The following MTUS2 variants were observed in gnomAD, a reference collection of about 807,000 sequenced individuals.
MTUS2 encodes microtubule associated scaffold protein 2.
Under a neutral mutation model 114.1 loss-of-function variants are expected in MTUS2, and 40 were observed. That is an observed-to-expected ratio of 0.35 (90% CI 0.27 to 0.46). The LOEUF is 0.46. MTUS2 is among the 20% of genes least tolerant of loss of function. The pLI, the probability that MTUS2 is intolerant of heterozygous loss-of-function variation, is 1.00. For missense variants in MTUS2, 1,679 were observed against 1,705.4 expected (o/e 0.98, Z 0.27); for synonymous variants, 688 against 672.0 (o/e 1.02, Z -0.37).
intron 5 of MTUS2, among the ~76,000 whole-genome samples, chr13:29,208,736 G>T (rs1307925689): frequency 6.6e-6 from 1 of 152,102 alleles, no homozygotes; most frequent in Non-Finnish European, 1.5e-5. Context: ...TATTTGCATG[G>T]TTTTGAGTGT....
chr13:28,875,463 T>C (rs568382945), intron 2 of MTUS2, among the ~76,000 whole-genome samples: 1 of 152,370 alleles, frequency 6.6e-6, no homozygotes, highest in East Asian at 1.9e-4. Flanking sequence ...ATCCTGGCTA[T>C]GCCCTTACAT....
intron 5 of MTUS2, among the ~76,000 whole-genome samples, chr13:29,143,752 CAT>C (rs1310886301): frequency 6.6e-6 from 1 of 152,226 alleles, no homozygotes; most frequent in Middle Eastern, 3.4e-3. Context: ...TGGTAAAAAC[CAT>C]AGAGAATTCT....
chr13:29,230,257 A>G (rs1258720575), intron 5 of MTUS2, among the ~76,000 whole-genome samples: 2 of 152,228 alleles, frequency 1.3e-5, no homozygotes, highest in African/African-American at 4.8e-5. Context: ...AAAAATAAAA[A>G]TACAAAAATA....
intron 5 of MTUS2, among the ~76,000 whole-genome samples, chr13:29,253,179 A>G (rs1165981235): frequency 6.6e-6 from 1 of 151,068 alleles, no homozygotes; most frequent in Non-Finnish European, 1.5e-5. Flanking sequence ...TAATTCTAGC[A>G]CTTTGGGAGG....
rs1033741464 is a variant in MTUS2, at chr13:29,497,545, A to G, written c.3678+209A>G. 2.9e-5 allele frequency: 17 copies of G among 583,546 alleles called. No homozygotes were observed. The African/African-American group carries it at 3.0e-4, about 10-fold the overall frequency. The allele number at this position is 583,546 out of a possible 1,614,324, so 36.1% of individuals were successfully genotyped here. ...ACAGCAGCTGTGGGTTTCTCCAGCT[A>G]CGTGTTATTTTTGCCAAATTCCACA... On this transcript the variant is annotated intron_variant, in intron 13 of 15. Coordinates refer to ENST00000612955, the MANE Select transcript of MTUS2 (RefSeq NM_001033602.4).
chr13:29,424,966 A>G (rs1876400662), intron 8 of MTUS2, among the ~76,000 whole-genome samples: 1 of 152,190 alleles, frequency 6.6e-6, no homozygotes, highest in African/African-American at 2.4e-5. Context: ...AGAAACCAGC[A>G]AAATTTTTTT....
intron 7 of MTUS2, among the ~76,000 whole-genome samples, chr13:29,350,177 T>C (rs1339381693): frequency 6.6e-6 from 1 of 152,098 alleles, no homozygotes; most frequent in Non-Finnish European, 1.5e-5. Flanking sequence ...GTTCTGTATG[T>C]TAGACATCCA....
chr13:29,086,554 T>A (rs1024420892), intron 4 of MTUS2, among the ~76,000 whole-genome samples: 3 of 152,194 alleles, frequency 2.0e-5, no homozygotes, highest in African/African-American at 7.2e-5. Context: ...AGTTGAATAG[T>A]GTTATGCCTC....
At chr13:28,909,047 A>T (rs1880232511) in intron 2 of MTUS2, among the ~76,000 whole-genome samples, 2 of 151,412 alleles carry the variant, frequency 1.3e-5, no homozygotes, top group Non-Finnish European at 2.9e-5. Context: ...CCATTGGTCT[A>T]TATCTCTGTT....
intron 4 of MTUS2, among the ~76,000 whole-genome samples, chr13:29,073,517 G>A (rs1314888719): frequency 9.8e-6 from 1 of 102,274 alleles, no homozygotes; most frequent in East Asian, 2.7e-4. Flanking sequence ...TGTGTAATGA[G>A]GTTAGTGAAA....
chr13:29,020,111 C>T (rs931922571), intron 2 of MTUS2, among the ~76,000 whole-genome samples: 1 of 152,162 alleles, frequency 6.6e-6, no homozygotes, highest in Non-Finnish European at 1.5e-5. Context: ...GACTCTTAAG[C>T]ATCAGGTAGG....
intron 2 of MTUS2, among the ~76,000 whole-genome samples, chr13:28,948,571 AT>A (rs911268641): frequency 3.9e-5 from 6 of 152,118 alleles, no homozygotes; most frequent in Non-Finnish European, 5.9e-5. Flanking sequence ...GATTTCTAAG[AT>A]TTTTCCCCCT....
chr13:29,223,396 G>C (rs1593187172), intron 5 of MTUS2, among the ~76,000 whole-genome samples: 1 of 152,112 alleles, frequency 6.6e-6, no homozygotes, highest in African/African-American at 2.4e-5. Flanking sequence ...CCTGCCTGTG[G>C]AGAGCTACAT....
chr13:28,954,077 G>C (rs922895230), intron 2 of MTUS2, among the ~76,000 whole-genome samples: 12 of 152,144 alleles, frequency 7.9e-5, no homozygotes. Context: ...TTTAAATTCT[G>C]TTGTTAAAAG....
At chr13:28,852,899 A>AC (rs60940735) in intron 2 of MTUS2, among the ~76,000 whole-genome samples, 139 of 107,662 alleles carry the variant, frequency 1.3e-3, no homozygotes, top group Non-Finnish European at 2.5e-3. Context: ...CCTCTGTCTT[A>AC]AATACATACA....
intron 5 of MTUS2, among the ~76,000 whole-genome samples, chr13:29,228,720 T>C (rs1896209093): frequency 6.6e-6 from 1 of 151,788 alleles, no homozygotes; most frequent in African/African-American, 2.4e-5. Flanking sequence ...GAGGAGAGGA[T>C]GAAGGAAGCA....
chr13:29,083,881 T>C (rs1889553755), intron 4 of MTUS2, among the ~76,000 whole-genome samples: 1 of 152,196 alleles, frequency 6.6e-6, no homozygotes, highest in African/African-American at 2.4e-5. Flanking sequence ...ATGCTCACTA[T>C]GGGATATTTT....
intron 2 of MTUS2, among the ~76,000 whole-genome samples, chr13:28,988,271 T>C (rs1265006823): frequency 6.6e-6 from 1 of 152,194 alleles, no homozygotes; most frequent in Non-Finnish European, 1.5e-5. Flanking sequence ...AATTTCATGA[T>C]GTCCAAGACT....
chr13:28,903,498 G>A (rs1879778903), intron 2 of MTUS2, among the ~76,000 whole-genome samples: 1 of 145,368 alleles, frequency 6.9e-6, no homozygotes, highest in African/African-American at 2.6e-5. Context: ...CCACCTATGA[G>A]TGAGAACATG....
Sources: allele counts gnomAD v4.1 joint callset (sites outside exome capture counted in the v4.1 genomes callset), GRCh38; gene constraint gnomAD v4.1.1; transcripts MANE v1.5; gene names NCBI Gene and HGNC (gene_info 2026-07-23, HGNC 2026-07-21).